Variants in MEGF10 observed in about 807,000 individuals in gnomAD.
The protein encoded by MEGF10 is multiple epidermal growth factor-like domains protein 10.
In MEGF10, 86 loss-of-function variants were observed where a neutral mutation model predicts 147.5. The observed-to-expected ratio is 0.58, with a 90% CI of 0.49 to 0.70. The LOEUF is 0.70. MEGF10 is among the 30% of genes least tolerant of loss of function. MEGF10 has a pLI of 0.00. For synonymous variants in MEGF10, 478 were observed against 525.5 expected (o/e 0.91, Z 1.24); for missense variants, 1,329 against 1,487.3 (o/e 0.89, Z 1.75).
intron 13 of MEGF10, among the ~76,000 whole-genome samples, chr5:127,425,677 A>G (rs1257874838): frequency 2.6e-5 from 4 of 152,130 alleles, no homozygotes; most frequent in Admixed American, 1.3e-4. Context: ...TCATCATTTC[A>G]TTGTCTGCAC....
In MEGF10 at chr5:127,331,376, C is replaced by A. The variant is rs754729105; in HGVS notation, c.68C>A (p.Ala23Glu). ...TTGTTATGCCACTGGATTGGGACAG[C>A]ATCACCTCTGAATCTTGAAGACCCT... ...CLLLCHWIGT[A>E]SPLNLEDPNV... The change falls in exon 2 of 25, where the codon GCA (alanine) becomes GAA (glutamate). Residue 23 changes from alanine (A) to glutamate (E), a missense_variant. Physicochemically the swap from Ala to Glu is moderately radical, Grantham distance 107. This residue lies in a region of MEGF10 where 980 missense variants were observed against 1,085.9 expected (regional missense o/e 0.90). Transcript: ENST00000503335. The A allele has an allele frequency of 1.2e-6, 2 of 1,613,132 alleles. No homozygotes were observed. Among genetic ancestry groups the A allele is most frequent in the Non-Finnish European group, 1.7e-6 (2 of 1,179,338 alleles).
chr5:127,372,187 A>G (rs1295160996), intron 5 of MEGF10, among the ~76,000 whole-genome samples: 1 of 152,170 alleles, frequency 6.6e-6, no homozygotes, highest in Non-Finnish European at 1.5e-5. Context: ...CATCAATTTG[A>G]TGGTGGACAT....
intron 1 of MEGF10, among the ~76,000 whole-genome samples, chr5:127,328,818 C>T (rs764717946): frequency 6.6e-6 from 1 of 152,120 alleles, no homozygotes; most frequent in African/African-American, 2.4e-5. Flanking sequence ...TTTCACACTT[C>T]GTTGAAGGGA....
the MEGF10 span, among the ~76,000 whole-genome samples, chr5:127,237,134 A>T: frequency 6.6e-6 from 1 of 152,082 alleles, no homozygotes; most frequent in African/African-American, 2.4e-5. Flanking sequence ...TCAGTTTTTA[A>T]AAAAAAAGGG....
In MEGF10 at chr5:127,410,662, G is replaced by A. The variant is rs1764523520; in HGVS notation, c.1130+61G>A. ...TGAAAGTTTTAACCTTGGTTTTCAG[G>A]ATTTGGAAGGAGGGATTGATAGAGT... On this transcript the variant is annotated intron_variant, in intron 9 of 24. Transcript: ENST00000503335. The A allele has an allele frequency of 2.6e-5, 37 of 1,426,572 alleles. No homozygotes were observed. In the South Asian group the frequency reaches 4.4e-4, roughly 17 times the overall value. 88.4% of individuals were successfully genotyped at this position (1,426,572 alleles called of 1,614,324 possible). A position where few individuals can be genotyped will look rare whatever the true frequency, so the allele number is the denominator to read the frequency against.
chr5:127,335,967 T>C (rs1311390672), intron 2 of MEGF10, among the ~76,000 whole-genome samples: 2 of 150,524 alleles, frequency 1.3e-5, no homozygotes, highest in African/African-American at 4.9e-5. Flanking sequence ...AAGAAATTCA[T>C]GTTGAAAAGG....
chr5:127,433,495 C>A lies in MEGF10; in HGVS notation c.1826C>A (p.Thr609Asn). Residue 609 changes from threonine to asparagine, a missense_variant, in exon 14 of 25, where the codon ACC becomes AAC. Physicochemically the swap from Thr to Asn is moderately conservative, Grantham distance 65 (BLOSUM62 0). Transcript: ENST00000503335. ...GAGTGTGCACCAGGCTTCCGAGGCA[C>A]CACTTGTCAGAGGAGTAAGTGTCTC... ...ICECAPGFRG[T>N]TCQRICSPGF... 6.2e-7 allele frequency: 1 copy of A among 1,607,792 alleles called. No homozygotes were observed. Among genetic ancestry groups the A allele is most frequent in the Admixed American group, 1.7e-5 (1 of 59,346 alleles).
intron 1 of MEGF10, among the ~76,000 whole-genome samples, chr5:127,327,377 C>T (rs1761079193): frequency 6.6e-6 from 1 of 151,942 alleles, no homozygotes; most frequent in African/African-American, 2.4e-5. Context: ...TAGCCAACAC[C>T]CAATTTAGAG....
intron 17 of MEGF10, 117 bp downstream of exon 17, chr5:127,438,684 C>T: frequency 9.4e-7 from 1 of 1,061,952 alleles, no homozygotes; most frequent in Admixed American, 2.4e-5. Flanking sequence ...GGAGTACTTC[C>T]CTCTCCTAAT....
chr5:127,374,781 A>T (rs553352804), intron 5 of MEGF10, among the ~76,000 whole-genome samples: 1 of 152,306 alleles, frequency 6.6e-6, no homozygotes, highest in East Asian at 1.9e-4. Flanking sequence ...ATAACAAACA[A>T]ATAACAAACA....
chr5:127,329,367 A>G (rs896507367), intron 1 of MEGF10, among the ~76,000 whole-genome samples: 1 of 152,084 alleles, frequency 6.6e-6, no homozygotes, highest in Non-Finnish European at 1.5e-5. Context: ...TCCTTATTCC[A>G]AGTCAAACAT....
At chr5:127,241,405 A>C in the MEGF10 span, among the ~76,000 whole-genome samples, 2 of 152,180 alleles carry the variant, frequency 1.3e-5, no homozygotes, top group African/African-American at 2.4e-5. Context: ...AATGTTCATG[A>C]AGCAACACAG....
At chr5:127,438,323 C>A in intron 16 of MEGF10, 116 bp from the exon 17 acceptor site, 1 of 1,172,990 alleles carries the variant, frequency 8.5e-7, no homozygotes, top group Non-Finnish European at 1.2e-6. Flanking sequence ...TTTCTTAGTC[C>A]TGATGTACAC....
At chr5:127,291,812 C>G (rs1759269138) in intron 1 of MEGF10, among the ~76,000 whole-genome samples, 1 of 152,168 alleles carries the variant, frequency 6.6e-6, no homozygotes, top group African/African-American at 2.4e-5. Flanking sequence ...AGTGACACCA[C>G]TGAGCAAATG....
intron 1 of MEGF10, among the ~76,000 whole-genome samples, chr5:127,300,347 C>T (rs1434855105): frequency 2.0e-5 from 3 of 152,154 alleles, no homozygotes; most frequent in Non-Finnish European, 2.9e-5. Flanking sequence ...GTAGGTACAG[C>T]ACTTTTTTTA....
At chr5:127,379,539 T>C (rs1260323022) in intron 5 of MEGF10, among the ~76,000 whole-genome samples, 1 of 152,056 alleles carries the variant, frequency 6.6e-6, no homozygotes, top group African/African-American at 2.4e-5. Context: ...TTGCACTTGA[T>C]ATTTCCTCTG....
intron 2 of MEGF10, among the ~76,000 whole-genome samples, chr5:127,338,831 C>T (rs1309430746): frequency 3.9e-5 from 6 of 151,930 alleles, no homozygotes; most frequent in African/African-American, 9.7e-5. Flanking sequence ...CAGAAAAATA[C>T]GGAGTGGTAT....
intron 18 of MEGF10, among the ~76,000 whole-genome samples, chr5:127,442,155 A>G (rs1299189112): frequency 6.6e-6 from 1 of 152,232 alleles, no homozygotes; most frequent in Admixed American, 6.5e-5. Context: ...TTAAATAAGA[A>G]AACCTCTTAA....
chr5:127,431,702 T>G (rs1249225535), intron 13 of MEGF10, among the ~76,000 whole-genome samples: 1 of 152,234 alleles, frequency 6.6e-6, no homozygotes, highest in Non-Finnish European at 1.5e-5. Context: ...TGGCTCACGG[T>G]CAGAGTCTAG....
Sources: gnomAD v4.1 joint callset for allele counts (sites outside exome capture counted in the v4.1 genomes callset) on GRCh38, gnomAD v4.1.1 for gene constraint, gnomAD v4.1.1 regional missense constraint, MANE v1.5 for transcripts, NCBI Gene and HGNC (gene_info 2026-07-23, HGNC 2026-07-21) for gene names.